MDGA2: variants seen among roughly 807,000 people sequenced by gnomAD.
MDGA2 encodes the protein MAM domain containing glycosylphosphatidylinositol anchor 2, also known as MAM domain-containing glycosylphosphatidylinositol anchor protein 2.
A neutral mutation model predicts 117.8 loss-of-function variants in MDGA2; 40 were observed. That is an observed-to-expected ratio of 0.34 (90% CI 0.26 to 0.44). The LOEUF (loss-of-function observed/expected upper bound fraction) is 0.44, where lower values mean the gene tolerates loss of function less well. MDGA2 is among the 20% of genes least tolerant of loss of function. The probability of loss-of-function intolerance (pLI) is 1.00; values close to 1 mark genes in which losing one functional copy is unlikely to be tolerated. For synonymous variants in MDGA2, 452 were observed against 439.0 expected, an observed-to-expected ratio of 1.03 and a Z score of -0.37; for missense variants, 1,123 against 1,250.6, an observed-to-expected ratio of 0.90 and a Z score of 1.54.
chr14:47,621,322 C>G (rs190760228), intron 1 of MDGA2, among the ~76,000 whole-genome samples: 1 of 151,872 alleles, frequency 6.6e-6, no homozygotes, highest in East Asian at 1.9e-4. Context: ...GAGATTCTGC[C>G]CAACCTCCCT....
intron 1 of MDGA2, among the ~76,000 whole-genome samples, chr14:47,304,582 C>T (rs899576714): frequency 3.3e-5 from 5 of 152,242 alleles, no homozygotes; most frequent in African/African-American, 1.2e-4. Context: ...GTTCATCATC[C>T]TACCTCCAGT....
intron 2 of MDGA2, among the ~76,000 whole-genome samples, chr14:47,274,514 A>T (rs1888249625): frequency 2.0e-5 from 3 of 152,106 alleles, no homozygotes; most frequent in Admixed American, 2.0e-4. Flanking sequence ...ACTTTTTGGT[A>T]CTATGAGCAC....
At chr14:47,183,291 T>C (rs1016272072) in intron 3 of MDGA2, among the ~76,000 whole-genome samples, 1 of 152,106 alleles carries the variant, frequency 6.6e-6, no homozygotes, top group African/African-American at 2.4e-5. Flanking sequence ...TATCACTCTC[T>C]ACTTCATCTA....
chr14:47,078,355 A>C (rs1890573920), intron 6 of MDGA2, among the ~76,000 whole-genome samples: 1 of 152,160 alleles, frequency 6.6e-6, no homozygotes, highest in Non-Finnish European at 1.5e-5. Context: ...GCAATAACTG[A>C]GTTTATACTC....
At chr14:47,073,084 T>A (rs527920224) in intron 6 of MDGA2, among the ~76,000 whole-genome samples, 2 of 152,306 alleles carry the variant, frequency 1.3e-5, no homozygotes, top group Admixed American at 1.3e-4. Flanking sequence ...CAGAAGATGA[T>A]AAAAATGTTG....
intron 3 of MDGA2, among the ~76,000 whole-genome samples, chr14:47,155,291 G>C (rs1883322126): frequency 2.0e-5 from 3 of 152,026 alleles, no homozygotes. Flanking sequence ...TGAATGGCAG[G>C]ATTGAAAGAG....
chr14:47,310,303 C>G (rs1315115711), intron 1 of MDGA2, among the ~76,000 whole-genome samples: 1 of 152,028 alleles, frequency 6.6e-6, no homozygotes, highest in Admixed American at 6.6e-5. Flanking sequence ...CAACTTCTGA[C>G]AAGTATGCCA....
At chr14:47,365,412 A>T (rs1187186651) in intron 1 of MDGA2, among the ~76,000 whole-genome samples, 2 of 152,236 alleles carry the variant, frequency 1.3e-5, no homozygotes, top group Non-Finnish European at 2.9e-5. Context: ...TGGAACACAA[A>T]GAGTTCATTG....
chr14:46,907,668 T>C (rs1027333686), intron 10 of MDGA2, among the ~76,000 whole-genome samples: 2 of 152,182 alleles, frequency 1.3e-5, no homozygotes, highest in East Asian at 1.9e-4. Flanking sequence ...ATTTTTCATA[T>C]CATTCATGTC....
At chr14:47,587,643 T>A (rs1896350785) in intron 1 of MDGA2, among the ~76,000 whole-genome samples, 1 of 151,966 alleles carries the variant, frequency 6.6e-6, no homozygotes, top group Admixed American at 6.6e-5. Flanking sequence ...ATGGAAATAC[T>A]TGCATGTTTC....
chr14:47,105,627 C>G (rs1447843562), intron 5 of MDGA2, among the ~76,000 whole-genome samples: 1 of 151,864 alleles, frequency 6.6e-6, no homozygotes, highest in Admixed American at 6.6e-5. Context: ...CCTGCAAAAT[C>G]GAAATAATTC....
intron 5 of MDGA2, 44 bp downstream of exon 5, chr14:47,131,670 A>T: frequency 7.1e-7 from 1 of 1,409,478 alleles, no homozygotes; most frequent in Non-Finnish European, 9.5e-7. Flanking sequence ...TTTAAACATT[A>T]GTTGTAGATA....
At chr14:46,978,675 A>G (rs868568632) in intron 8 of MDGA2, among the ~76,000 whole-genome samples, 3 of 152,102 alleles carry the variant, frequency 2.0e-5, no homozygotes, top group Non-Finnish European at 4.4e-5. Context: ...AAAGACTGTT[A>G]TCATTGCCTC....
chr14:46,858,840 A>G (rs529465971), intron 14 of MDGA2, among the ~76,000 whole-genome samples: 34 of 152,246 alleles, frequency 2.2e-4, no homozygotes, highest in African/African-American at 7.7e-4. Flanking sequence ...TATTCTATTT[A>G]TTTGGATATC....
chr14:46,969,930 TTCCATATATATATATATA>T lies in MDGA2; in HGVS notation c.1820-12305_1820-12288del, dbSNP rs1332674935. The stretch of plus-strand genomic sequence containing the variant: ...CACATGTACCTTAGAACTTAAAGTA[TTCCATATATATATATATA>T]TATATATATATATATATATATATAT... On this transcript the variant is annotated intron_variant, in intron 8 of 16. Coordinates refer to ENST00000399232, the MANE Select transcript of MDGA2 (RefSeq NM_001113498.3). Among the ~76,000 whole-genome samples the T allele has an allele frequency of 3.7e-3, 496 of 135,836 alleles. 3 individuals carry two copies. Among genetic ancestry groups the T allele is most frequent in the Non-Finnish European group, 4.5e-3 (290 of 64,376 alleles). The allele number at this position is 135,836 out of a possible 152,430, so 89.1% of individuals were successfully genotyped here.
intron 4 of MDGA2, among the ~76,000 whole-genome samples, chr14:47,139,809 TATATACACAC>T (rs1225271705): frequency 5.6e-5 from 8 of 142,842 alleles, no homozygotes; most frequent in Non-Finnish European, 1.2e-4. Flanking sequence ...TATATGTATA[TATATACACAC>T]ATATATATAC....
rs1226702812 is a variant in MDGA2 at position 47,361,207 on chromosome 14, CTA to C, written c.281-59659_281-59658del. Among the ~76,000 whole-genome samples, 476 of 140,172 alleles carry C rather than the reference CTA, an allele frequency of 3.4e-3. 1 individual carries two copies. Among genetic ancestry groups the C allele is most frequent in the Middle Eastern group, 0.011 (3 of 270 alleles). The allele number at this position is 140,172 out of a possible 152,430, so 92.0% of individuals were successfully genotyped here. ...TTGTACTCTCTCTCTCTCTCTCTCTCTATATATATATATATATATATGGCAGT... is the reference window on the plus strand; with the variant it reads ...TTGTACTCTCTCTCTCTCTCTCTCTCTATATATATATATATATATGGCAGT... On this transcript the variant is annotated intron_variant, in intron 1 of 16. Transcript: ENST00000399232.
At chr14:46,904,082 G>A (rs939537731) in intron 10 of MDGA2, among the ~76,000 whole-genome samples, 23 of 152,026 alleles carry the variant, frequency 1.5e-4, no homozygotes, top group Admixed American at 1.4e-3. Flanking sequence ...GCCAATTTTG[G>A]GCCAGGCATG....
intron 1 of MDGA2, among the ~76,000 whole-genome samples, chr14:47,485,397 A>T (rs143665295): frequency 1.3e-5 from 2 of 152,278 alleles, no homozygotes; most frequent in African/African-American, 4.8e-5. Flanking sequence ...AGGTAACTTG[A>T]CTACTGTTAA....
Sources: gnomAD v4.1 joint callset for allele counts (sites outside exome capture counted in the v4.1 genomes callset) on GRCh38, gnomAD v4.1.1 for gene constraint, MANE v1.5 for transcripts, NCBI Gene and HGNC (gene_info 2026-07-23, HGNC 2026-07-21) for gene names.